Variants in AOAH observed in about 807,000 individuals in gnomAD.
The protein encoded by AOAH is acyloxyacyl hydrolase.
A neutral mutation model predicts 92.2 loss-of-function variants in AOAH; 64 were observed. The ratio of observed to expected loss-of-function variants is 0.69; its 90% CI spans 0.57 to 0.86. AOAH has a LOEUF of 0.86. Ranked by LOEUF, AOAH falls within the 40% of genes least tolerant of loss-of-function variation. The probability of loss-of-function intolerance (pLI) is 0.00; values close to 1 mark genes in which losing one functional copy is unlikely to be tolerated. For synonymous variants in AOAH, 263 were observed against 254.5 expected (o/e 1.03, Z -0.32); for missense variants, 656 against 694.6 (o/e 0.94, Z 0.62).
chr7:36,544,696 C>T (rs1785681713), intron 15 of AOAH, among the ~76,000 whole-genome samples: 1 of 152,200 alleles, frequency 6.6e-6, no homozygotes, highest in African/African-American at 2.4e-5. Flanking sequence ...GATGAAGAGC[C>T]TCACTCCTGA....
Position 36,647,863 on chromosome 7 carries a change from C to T in AOAH, c.391-9953G>A, listed in dbSNP as rs79766749. Among the ~76,000 whole-genome samples the T allele has an allele frequency of 4.2e-3, 629 of 151,212 alleles. 2 individuals carry two copies. The highest frequency in any genetic ancestry group is 0.015 in the Admixed American group (230 of 15,192). On this transcript the variant is annotated intron_variant, in intron 4 of 20. Transcript: ENST00000617537. The stretch of plus-strand genomic sequence containing the variant: ...TTTTTTTTTTTTTGGTGGAGTATCG[C>T]TCTGTCACCCAGGCTGGAGTGCAGT...
intron 13 of AOAH, among the ~76,000 whole-genome samples, chr7:36,565,212 C>T (rs1220258406): frequency 6.6e-6 from 1 of 152,120 alleles, no homozygotes; most frequent in Admixed American, 6.5e-5. Flanking sequence ...TCACCTCTGT[C>T]ATCTGTTGCT....
chr7:36,522,259 TG>T, intron 19 of AOAH, 144 bp from the exon 20 acceptor site: 1 of 644,744 alleles, frequency 1.6e-6, no homozygotes, highest in Non-Finnish European at 2.7e-6. Flanking sequence ...TCTCTTGCAC[TG>T]GGGGATTTCT....
At chr7:36,626,227 C>T (rs1792654537) in intron 6 of AOAH, among the ~76,000 whole-genome samples, 1 of 152,270 alleles carries the variant, frequency 6.6e-6, no homozygotes, top group African/African-American at 2.4e-5. Context: ...CCCAAACAGC[C>T]ATATTTTCAG....
intron 3 of AOAH, 97 bp from the exon 4 acceptor site, chr7:36,659,362 C>T: frequency 1.0e-6 from 1 of 986,666 alleles, no homozygotes. Flanking sequence ...AGAATGGATT[C>T]TAATACCCTC....
At chr7:36,538,347 A>G (rs1785218098) in intron 16 of AOAH, among the ~76,000 whole-genome samples, 2 of 151,468 alleles carry the variant, frequency 1.3e-5, no homozygotes, top group South Asian at 4.2e-4. Context: ...ATTCTTACAT[A>G]CATTTTTCCT....
chr7:36,581,809 G>T (rs1019594979), intron 12 of AOAH, among the ~76,000 whole-genome samples: 1 of 152,104 alleles, frequency 6.6e-6, no homozygotes, highest in Non-Finnish European at 1.5e-5. Context: ...ACTAGAAATA[G>T]CATCTAGAAT....
At chr7:36,514,284 G>A (rs1790209422) in intron 20 of AOAH, among the ~76,000 whole-genome samples, 1 of 151,352 alleles carries the variant, frequency 6.6e-6, no homozygotes, top group African/African-American at 2.4e-5. Flanking sequence ...GCTCAGAGCT[G>A]TGGGAGAGAA....
At chr7:36,547,949 T>A (rs995712521) in intron 15 of AOAH, among the ~76,000 whole-genome samples, 18 of 152,136 alleles carry the variant, frequency 1.2e-4, no homozygotes, top group African/African-American at 4.3e-4. Flanking sequence ...GTAAAGTAGA[T>A]CAGAATATGA....
chr7:36,563,160 A>C (rs1177092358), intron 13 of AOAH, among the ~76,000 whole-genome samples: 1 of 110,230 alleles, frequency 9.1e-6, no homozygotes, highest in East Asian at 2.9e-4. Context: ...AAAAAAAAAA[A>C]AAAAAAAAAA....
intron 12 of AOAH, among the ~76,000 whole-genome samples, chr7:36,591,460 A>T (rs141635915): frequency 1.5e-3 from 224 of 152,324 alleles, no homozygotes; most frequent in African/African-American, 5.0e-3. Context: ...CCACACCTAG[A>T]TGGTCACTTA....
At chr7:36,569,465 A>T (rs995065046) in intron 13 of AOAH, among the ~76,000 whole-genome samples, 1 of 133,124 alleles carries the variant, frequency 7.5e-6, no homozygotes, top group African/African-American at 2.8e-5. Flanking sequence ...TTATTTACTT[A>T]AAAAAATCTA....
chr7:36,624,037 C>A (rs577197862), intron 6 of AOAH, among the ~76,000 whole-genome samples: 2 of 152,340 alleles, frequency 1.3e-5, no homozygotes, highest in African/African-American at 4.8e-5. Context: ...TTTACTTCAT[C>A]TTCATCCTCT....
At chr7:36,636,435 A>G (rs1793531419) in intron 5 of AOAH, among the ~76,000 whole-genome samples, 4 of 152,208 alleles carry the variant, frequency 2.6e-5, no homozygotes, top group Admixed American at 2.0e-4. Context: ...TGCCTGGAGA[A>G]TACGTTTTTA....
intron 7 of AOAH, among the ~76,000 whole-genome samples, chr7:36,622,502 G>A (rs1218254953): frequency 6.6e-6 from 1 of 152,154 alleles, no homozygotes; most frequent in Non-Finnish European, 1.5e-5. Context: ...TTTGTGACAT[G>A]TTACTTGCTT....
At chr7:36,545,086 C>G (rs1785717862) in intron 15 of AOAH, among the ~76,000 whole-genome samples, 1 of 151,514 alleles carries the variant, frequency 6.6e-6, no homozygotes, top group African/African-American at 2.4e-5. Flanking sequence ...GGGTCTCGCT[C>G]TATCACCCAG....
chr7:36,532,017 G>T, intron 18 of AOAH, 130 bp downstream of exon 18: 1 of 1,082,704 alleles, frequency 9.2e-7, no homozygotes, highest in South Asian at 1.3e-5. Flanking sequence ...GCACCTGGAA[G>T]GTTTGATTTT....
intron 3 of AOAH, among the ~76,000 whole-genome samples, chr7:36,659,810 C>T (rs564774789): frequency 1.4e-5 from 2 of 147,884 alleles, no homozygotes; most frequent in Non-Finnish European, 3.0e-5. Flanking sequence ...GCCTCTGAGC[C>T]GAAGCTCGGC....
intron 19 of AOAH, among the ~76,000 whole-genome samples, chr7:36,523,774 C>T (rs937029485): frequency 6.6e-6 from 1 of 151,632 alleles, no homozygotes; most frequent in Non-Finnish European, 1.5e-5. Context: ...CGATGCTGGC[C>T]CTGCCTGCTC....
Sources: allele counts gnomAD v4.1 joint callset (sites outside exome capture counted in the v4.1 genomes callset), GRCh38; gene constraint gnomAD v4.1.1; transcripts MANE v1.5; gene names NCBI Gene and HGNC (gene_info 2026-07-23, HGNC 2026-07-21).